The following OVOL3 variants were observed in gnomAD, a reference collection of about 807,000 sequenced individuals.
The protein encoded by OVOL3 is ovo like zinc finger 3.
OVOL3 carries 15 observed loss-of-function variants against 13.6 expected under a neutral mutation model. The ratio of observed to expected loss-of-function variants is 1.11; its 90% CI spans 0.74 to 1.70. The LOEUF (loss-of-function observed/expected upper bound fraction) is 1.70, where lower values mean the gene tolerates loss of function less well. Among genes scored for constraint, OVOL3 ranks in the 40% most tolerant of loss-of-function variants. The pLI, the probability that OVOL3 is intolerant of heterozygous loss-of-function variation, is 0.00. For missense variants in OVOL3, 290 were observed against 280.6 expected, an observed-to-expected ratio of 1.03 and a Z score of -0.24; for synonymous variants, 102 against 108.5, an observed-to-expected ratio of 0.94 and a Z score of 0.37.
rs1407069697 is a variant in OVOL3 at position 36,111,241 on chromosome 19, GCCC to G, written c.43_45del (p.Pro15del). On this transcript the variant is annotated inframe_deletion, in exon 1 of 4. Transcript: ENST00000633214. Reference sequence around the variant, plus strand: ...TCCTGGTCAGGAGTCGGCGTCCACAGCCCCCCAACTGGGGCCATCTGCCTGACC... The same window carrying G: ...TCCTGGTCAGGAGTCGGCGTCCACAGCCCAACTGGGGCCATCTGCCTGACC... 11 of 1,535,928 alleles carry G rather than the reference GCCC, an allele frequency of 7.2e-6. No homozygotes were observed. The highest frequency in any genetic ancestry group is 9.6e-6 in the Non-Finnish European group (11 of 1,146,850).
chr19:36,112,702 G>A (rs1973851864), intron 2 of OVOL3, 58 bp from the exon 3 acceptor site: 1 of 1,437,112 alleles, frequency 7.0e-7, no homozygotes, highest in Non-Finnish European at 9.4e-7. Flanking sequence ...CATTTGCAGA[G>A]TAACAAAGGG....
In OVOL3 at chr19:36,112,565, A is replaced by G. The variant is rs150337949; in HGVS notation, c.160-195A>G. On this transcript the variant is annotated intron_variant, in intron 2 of 3. Coordinates refer to ENST00000633214, the MANE Select transcript of OVOL3 (RefSeq NM_001302757.2). ...GTCACATCAGAAGATGGGACTTGGCATAGAGAAAGTAAGGACCATGGGATA... is the reference window on the plus strand; with the variant it reads ...GTCACATCAGAAGATGGGACTTGGCGTAGAGAAAGTAAGGACCATGGGATA... Among the ~76,000 whole-genome samples the G allele has an allele frequency of 3.0e-4, 45 of 152,098 alleles. No homozygotes were observed. The East Asian group carries it at 7.9e-3, about 27-fold the overall frequency.
intron 3 of OVOL3, among the ~76,000 whole-genome samples, chr19:36,113,236 G>A (rs1973867964): frequency 1.3e-5 from 2 of 152,302 alleles, no homozygotes; most frequent in South Asian, 2.1e-4. Context: ...ATCCCCCAGG[G>A]GAGGGAGCAT....
chr19:36,111,944 T>C, intron 2 of OVOL3: 1 of 436,956 alleles, frequency 2.3e-6, no homozygotes. Flanking sequence ...AGTCAGCCTG[T>C]AATTCCAGCA....
chr19:36,112,274 C>T (rs1364525888), intron 2 of OVOL3, among the ~76,000 whole-genome samples: 1 of 152,148 alleles, frequency 6.6e-6, no homozygotes, highest in Non-Finnish European at 1.5e-5. Flanking sequence ...AATCCCAGCA[C>T]TTTGTGAGGC....
chr19:36,112,056 C>T lies in OVOL3; in HGVS notation c.159+623C>T, dbSNP rs536268092. 2.6e-5 allele frequency among the ~76,000 whole-genome samples: 4 copies of T among 151,910 alleles called. No individual in the cohort carries two copies. In the East Asian group the frequency reaches 7.8e-4, roughly 29 times the overall value. ...TCTCTACTAAAATTACAAACATTAG[C>T]CAGACATGGTGGCACGTGCCTGTAA... On this transcript the variant is annotated intron_variant, in intron 2 of 3. Coordinates refer to ENST00000633214, the MANE Select transcript of OVOL3 (RefSeq NM_001302757.2).
At chr19:36,111,548 G>A (rs2075473) in intron 2 of OVOL3, 115 bp downstream of exon 2, 140,001 of 1,061,704 alleles carry the variant, frequency 0.13, 9,895 homozygotes, top group South Asian at 0.19. Flanking sequence ...CTCCAGCCTC[G>A]GGACCTGTCC....
chr19:36,111,246 C>A lies in OVOL3; in HGVS notation c.44C>A (p.Pro15His), dbSNP rs773954002. Reference sequence around the variant, plus strand: ...GTCAGGAGTCGGCGTCCACAGCCCCCCAACTGGGGCCATCTGCCTGACCAG... The same window carrying A: ...GTCAGGAGTCGGCGTCCACAGCCCCACAACTGGGGCCATCTGCCTGACCAG... ...FLVRSRRPQP[P>H]NWGHLPDQLR... The change falls in exon 1 of 4, where the codon CCC (proline) becomes CAC (histidine). Residue 15 changes from proline (P) to histidine (H), a missense_variant. By Grantham distance (77) the Pro-to-His change is moderately conservative (BLOSUM62 -2). Coordinates refer to ENST00000633214, the MANE Select transcript of OVOL3 (RefSeq NM_001302757.2). The A allele has an allele frequency of 5.9e-6, 9 of 1,535,900 alleles. No homozygotes were observed. The highest frequency in any genetic ancestry group is 7.8e-6 in the Non-Finnish European group (9 of 1,146,880).
chr19:36,111,810 A>G, intron 2 of OVOL3: 1 of 478,508 alleles, frequency 2.1e-6, no homozygotes, highest in Non-Finnish European at 4.1e-6. Context: ...GGAATGTAAT[A>G]TATTCATGAA....
chr19:36,113,037 G>A (rs1973862407), intron 3 of OVOL3, 73 bp downstream of exon 3: 8 of 1,417,278 alleles, frequency 5.6e-6, no homozygotes, highest in Non-Finnish European at 7.6e-6. Context: ...GAGAGGTGCT[G>A]GGCTGTGGAG....
In OVOL3 at chr19:36,113,703, G is replaced by C. The variant is rs1216412879; in HGVS notation, c.*42G>C. 4 of 1,588,422 alleles carry C rather than the reference G, an allele frequency of 2.5e-6. No homozygotes were observed. In the Admixed American group the frequency reaches 7.2e-5, roughly 29 times the overall value. ...CCTCCCCACGAGGCAAATAAACACA[G>C]AAAACTCACGCATGGAATCTGGTGT... On this transcript the variant is annotated 3_prime_UTR_variant, in exon 4 of 4. Coordinates refer to ENST00000633214, the MANE Select transcript of OVOL3 (RefSeq NM_001302757.2).
chr19:36,112,807 G>T lies in OVOL3; in HGVS notation c.207G>T (p.Thr69=), dbSNP rs575057430. The change falls in exon 3 of 4, where the codon ACG becomes ACT. Residue 69 remains threonine, a synonymous_variant. Transcript: ENST00000633214. ...NLTSAPRGPG[T]LGCPLCPKAF... Reference sequence around the variant, plus strand: ...CCTCTGCTCCCAGGGGCCCTGGGACGCTGGGCTGCCCGCTCTGCCCTAAGG... The same window carrying T: ...CCTCTGCTCCCAGGGGCCCTGGGACTCTGGGCTGCCCGCTCTGCCCTAAGG... 2 of 1,535,174 alleles carry T rather than the reference G, an allele frequency of 1.3e-6. No individual in the cohort carries two copies. Among genetic ancestry groups the T allele is most frequent in the Non-Finnish European group, 1.7e-6 (2 of 1,146,786 alleles).
intron 3 of OVOL3, 71 bp downstream of exon 3, chr19:36,113,035 C>G: frequency 1.4e-6 from 2 of 1,438,434 alleles, no homozygotes; most frequent in South Asian, 2.5e-5. Flanking sequence ...GAGAGAGGTG[C>G]TGGGCTGTGG....
rs536109140 is a variant in OVOL3 at position 36,113,460 on chromosome 19, G to A, written c.372G>A (p.Arg124=). Residue 124 remains arginine, a synonymous_variant, in exon 4 of 4, where the codon CGG becomes CGA. Transcript: ENST00000633214. ...KRHMRTHTGI[R]PFRCSACGKA... ...CTGCGCCCATCTGTGCAGGGATCCGGCCCTTCCGCTGCAGTGCTTGCGGGA... is the reference window on the plus strand; with the variant it reads ...CTGCGCCCATCTGTGCAGGGATCCGACCCTTCCGCTGCAGTGCTTGCGGGA... 9 of 1,534,882 alleles carry A rather than the reference G, an allele frequency of 5.9e-6. No individual in the cohort carries two copies. Among genetic ancestry groups the A allele is most frequent in the African/African-American group, 1.4e-5 (1 of 73,126 alleles).
rs1278359397 is a variant in OVOL3 at position 36,111,380 on chromosome 19, CT to C, written c.107del (p.Leu36ArgfsTer25). The C allele has an allele frequency of 6.5e-7, 1 of 1,535,866 alleles. No homozygotes were observed. Among genetic ancestry groups the C allele is most frequent in the African/African-American group, 1.4e-5 (1 of 73,038 alleles). On this transcript the variant is annotated frameshift_variant, in exon 2 of 4. Transcript: ENST00000633214. LOFTEE classifies it high-confidence loss of function. Reference protein sequence around the residue: ...GDAYIPDCSSLGGPPAQQSSS... With the variant: ...GDAYIPDCSSXGGPPAQQSSS... ...GCTTTTCTCCTCAGACTGCAGCAGC[CT>C]GGGGGGGCCACCGGCACAACAGTCG...
chr19:36,112,961 A>G lies in OVOL3; in HGVS notation c.361A>G (p.Thr121Ala). 4.6e-6 allele frequency: 7 copies of G among 1,536,006 alleles called. No individual in the cohort carries two copies. Among genetic ancestry groups the G allele is most frequent in the East Asian group, 2.4e-5 (1 of 40,894 alleles). Residue 121 changes from threonine (T) to alanine (A), a missense_variant, in exon 3 of 4, where the codon ACT becomes GCT. Thr to Ala is a moderately conservative substitution (Grantham distance 58). Transcript: ENST00000633214. ...TCTCAAGCGCCACATGAGGACTCAC[A>G]CTGGTGAGCAGTGGCAGGGACAGGG... ...FDLKRHMRTHTGIRPFRCSAC... is the reference protein window; with the variant it reads ...FDLKRHMRTHAGIRPFRCSAC...
rs61736267 is a variant in OVOL3, at chr19:36,113,458, C to A, written c.370C>A (p.Arg124=). The change falls in exon 4 of 4, where the codon CGG becomes AGG. Residue 124 remains arginine (R), a synonymous_variant. Coordinates refer to ENST00000633214, the MANE Select transcript of OVOL3 (RefSeq NM_001302757.2). ...KRHMRTHTGI[R]PFRCSACGKA... is the part of the protein sequence containing the mutation. ...CTCTGCGCCCATCTGTGCAGGGATCCGGCCCTTCCGCTGCAGTGCTTGCGG... is the reference window on the plus strand; with the variant it reads ...CTCTGCGCCCATCTGTGCAGGGATCAGGCCCTTCCGCTGCAGTGCTTGCGG... The A allele has an allele frequency of 7.2e-3, 11,103 of 1,534,884 alleles. 71 individuals carry two copies. Among genetic ancestry groups the A allele is most frequent in the Middle Eastern group, 0.023 (138 of 5,974 alleles).
chr19:36,112,017 A>C lies in OVOL3; in HGVS notation c.159+584A>C, dbSNP rs567812870. On this transcript the variant is annotated intron_variant, in intron 2 of 3. Coordinates refer to ENST00000633214, the MANE Select transcript of OVOL3 (RefSeq NM_001302757.2). Reference sequence around the variant, plus strand: ...TGAGTTCGAGACCAGGCTGGCCAACATGTTGAAACCTTGTCTCTACTAAAA... The same window carrying C: ...TGAGTTCGAGACCAGGCTGGCCAACCTGTTGAAACCTTGTCTCTACTAAAA... 2.6e-5 allele frequency among the ~76,000 whole-genome samples: 4 copies of C among 152,228 alleles called. No individual in the cohort carries two copies. The South Asian group carries it at 8.3e-4, about 32-fold the overall frequency.
Position 36,113,490 on chromosome 19 carries a change from G to A in OVOL3, c.402G>A (p.Ala134=), listed in dbSNP as rs757384043. ...TCCGCTGCAGTGCTTGCGGGAAAGCGTTTACGCAGCGCTGCTCCCTGGAAG... is the reference window on the plus strand; with the variant it reads ...TCCGCTGCAGTGCTTGCGGGAAAGCATTTACGCAGCGCTGCTCCCTGGAAG... The part of the protein sequence containing the change: ...RPFRCSACGK[A]FTQRCSLEAH... Residue 134 remains alanine (A), a synonymous_variant, in exon 4 of 4, where the codon GCG becomes GCA. Transcript: ENST00000633214. 2.3e-5 allele frequency: 36 copies of A among 1,535,882 alleles called. No individual in the cohort carries two copies. The highest frequency in any genetic ancestry group is 2.9e-5 in the Non-Finnish European group (33 of 1,146,746).
Sources: gnomAD v4.1 joint callset for allele counts (sites outside exome capture counted in the v4.1 genomes callset) on GRCh38, gnomAD v4.1.1 for gene constraint, MANE v1.5 for transcripts, NCBI Gene and HGNC (gene_info 2026-07-23, HGNC 2026-07-21) for gene names.